Variants in TAFA4 observed in about 807,000 individuals in gnomAD.
The protein encoded by TAFA4 is TAFA chemokine like family member 4.
A neutral mutation model predicts 21.1 loss-of-function variants in TAFA4; 20 were observed. The ratio of observed to expected loss-of-function variants is 0.95; its 90% CI spans 0.67 to 1.38. The LOEUF is 1.38. Ranked by LOEUF, TAFA4 falls within the 40% of genes most tolerant of loss-of-function variation. The pLI is 0.00. For synonymous variants in TAFA4, 71 were observed against 67.4 expected (o/e 1.05, Z -0.26); for missense variants, 211 against 180.9 (o/e 1.17, Z -0.95).
intron 4 of TAFA4, among the ~76,000 whole-genome samples, chr3:68,746,999 G>C (rs1004574989): frequency 1.3e-5 from 2 of 152,140 alleles, no homozygotes; most frequent in African/African-American, 4.8e-5. Flanking sequence ...GCTGTCTTGA[G>C]ACAATGTCAA....
intron 3 of TAFA4, among the ~76,000 whole-genome samples, chr3:68,866,481 G>A (rs1356139145): frequency 6.6e-6 from 1 of 151,664 alleles, no homozygotes; most frequent in African/African-American, 2.4e-5. Context: ...AGCAAAGACA[G>A]AAATAAATAA....
chr3:68,892,758 T>C (rs2089743159), intron 1 of TAFA4, among the ~76,000 whole-genome samples: 1 of 152,224 alleles, frequency 6.6e-6, no homozygotes, highest in African/African-American at 2.4e-5. Context: ...TCCTTCCTAA[T>C]GGATATATGG....
intron 3 of TAFA4, among the ~76,000 whole-genome samples, chr3:68,879,982 T>C (rs558066395): frequency 1.6e-4 from 25 of 152,268 alleles, no homozygotes; most frequent in South Asian, 6.2e-4. Context: ...ATATGAATTA[T>C]TCAGGAAAAC....
At chr3:68,867,787 T>C (rs1346807483) in intron 3 of TAFA4, among the ~76,000 whole-genome samples, 4 of 152,064 alleles carry the variant, frequency 2.6e-5, no homozygotes, top group Admixed American at 1.3e-4. Context: ...GTTATATCTA[T>C]AAGAAGTTTT....
intron 3 of TAFA4, among the ~76,000 whole-genome samples, chr3:68,813,175 A>G (rs2106848441): frequency 6.6e-6 from 1 of 152,182 alleles, no homozygotes; most frequent in African/African-American, 2.4e-5. Flanking sequence ...CATTCAAAGC[A>G]GTGTGTAGAG....
intron 1 of TAFA4, among the ~76,000 whole-genome samples, chr3:68,931,220 C>A (rs2090154409): frequency 6.6e-6 from 1 of 152,112 alleles, no homozygotes; most frequent in Non-Finnish European, 1.5e-5. Context: ...GAGGGAAGAC[C>A]ATTGAAAAGT....
chr3:68,824,528 A>G (rs1170413316), intron 3 of TAFA4, among the ~76,000 whole-genome samples: 4 of 152,194 alleles, frequency 2.6e-5, no homozygotes, highest in Non-Finnish European at 4.4e-5. Flanking sequence ...GTCCATTTAC[A>G]TAATCTAGGA....
At chr3:68,783,671 CACAGAGAGAGAGAGAG>C (rs1417935578) in intron 3 of TAFA4, among the ~76,000 whole-genome samples, 22 of 96,306 alleles carry the variant, frequency 2.3e-4, no homozygotes, top group African/African-American at 7.5e-4. Flanking sequence ...GACACACACA[CACAGAGAGAGAGAGAG>C]AGAGAGAGAG....
intron 3 of TAFA4, among the ~76,000 whole-genome samples, chr3:68,816,943 T>C (rs754649032): frequency 3.3e-5 from 5 of 152,166 alleles, no homozygotes; most frequent in Admixed American, 1.3e-4. Flanking sequence ...CTTGCCTTGA[T>C]ATTGGTGGCT....
chr3:68,874,303 ATAT>A (rs957457472), intron 3 of TAFA4, among the ~76,000 whole-genome samples: 13 of 152,168 alleles, frequency 8.5e-5, no homozygotes, highest in African/African-American at 1.2e-4. Flanking sequence ...CCCTTCAAAA[ATAT>A]TATTTCCAGT....
chr3:68,808,495 C>G (rs532984376), intron 3 of TAFA4, among the ~76,000 whole-genome samples: 1 of 152,202 alleles, frequency 6.6e-6, no homozygotes, highest in Non-Finnish European at 1.5e-5. Flanking sequence ...CTACTGCCTT[C>G]TTAAACCCTC....
intron 3 of TAFA4, among the ~76,000 whole-genome samples, chr3:68,838,956 G>A (rs533566537): frequency 2.0e-5 from 3 of 152,246 alleles, no homozygotes; most frequent in East Asian, 1.9e-4. Flanking sequence ...AAATTAGCCA[G>A]GTATGGTGAG....
chr3:68,924,298 C>T (rs2107028912), intron 1 of TAFA4, among the ~76,000 whole-genome samples: 1 of 152,256 alleles, frequency 6.6e-6, no homozygotes, highest in Non-Finnish European at 1.5e-5. Context: ...GATTATTCAG[C>T]CTTAAAAAGG....
At chr3:68,803,135 A>G (rs1693425280) in intron 3 of TAFA4, among the ~76,000 whole-genome samples, 2 of 119,318 alleles carry the variant, frequency 1.7e-5, no homozygotes, top group Non-Finnish European at 3.7e-5. Context: ...TATCCACTAC[A>G]GCCAGTTATT....
At chr3:68,849,953 T>A (rs147283925) in intron 3 of TAFA4, among the ~76,000 whole-genome samples, 72 of 152,334 alleles carry the variant, frequency 4.7e-4, no homozygotes, top group African/African-American at 1.7e-3. Flanking sequence ...TAAAACTGTA[T>A]AAATTTGAGA....
chr3:68,809,653 GC>G (rs896240770), intron 3 of TAFA4, among the ~76,000 whole-genome samples: 6 of 151,510 alleles, frequency 4.0e-5, no homozygotes, highest in African/African-American at 9.7e-5. Flanking sequence ...GTGTCATAAA[GC>G]TTTTCCCCGT....
intron 3 of TAFA4, among the ~76,000 whole-genome samples, chr3:68,759,433 A>C (rs559649587): frequency 6.6e-6 from 1 of 152,320 alleles, no homozygotes; most frequent in Non-Finnish European, 1.5e-5. Context: ...ATGGGAGAAA[A>C]ATGAAAGCTG....
At position 68,738,204 on chromosome 3, in the gene TAFA4, C is replaced by G. The variant is rs139035475; in HGVS notation, c.411+871G>C. On this transcript the variant is annotated intron_variant, in intron 5 of 5. Coordinates refer to ENST00000295569, the MANE Select transcript of TAFA4 (RefSeq NM_182522.5). The stretch of plus-strand genomic sequence containing the variant: ...GGAAACATATTCTATGAAGAGGGAA[C>G]AGCCCATGCCAAAGGACCAGGGTAA... Among the ~76,000 whole-genome samples the G allele has an allele frequency of 9.7e-3, 1,475 of 152,248 alleles. 17 individuals carry two copies. The highest frequency in any genetic ancestry group is 0.016 in the Non-Finnish European group (1,108 of 68,012).
chr3:68,834,522 T>C (rs1163404987), intron 3 of TAFA4, among the ~76,000 whole-genome samples: 1 of 152,190 alleles, frequency 6.6e-6, no homozygotes, highest in Non-Finnish European at 1.5e-5. Flanking sequence ...TGTATCCTCC[T>C]ACTTGATCTT....
Sources: gnomAD v4.1 joint callset for allele counts (sites outside exome capture counted in the v4.1 genomes callset) on GRCh38, gnomAD v4.1.1 for gene constraint, MANE v1.5 for transcripts, NCBI Gene and HGNC (gene_info 2026-07-23, HGNC 2026-07-21) for gene names.